The following DOCK1 variants were observed in gnomAD, a reference collection of about 807,000 sequenced individuals.
The protein encoded by DOCK1 is dedicator of cytokinesis 1, also known as dedicator of cytokinesis protein 1.
A neutral mutation model predicts 262.7 loss-of-function variants in DOCK1; 138 were observed. The ratio of observed to expected loss-of-function variants is 0.53; its 90% CI spans 0.46 to 0.61. The LOEUF is 0.61. Among genes scored for constraint, DOCK1 ranks in the 20% least tolerant of loss-of-function variants. The pLI, the probability that DOCK1 is intolerant of heterozygous loss-of-function variation, is 0.00. For synonymous variants in DOCK1, 866 were observed against 867.4 expected (o/e 1.00, Z 0.03); for missense variants, 1,908 against 2,370.7 (o/e 0.80, Z 4.05).
At chr10:127,248,297 C>T (rs772445299) in intron 28 of DOCK1, among the ~76,000 whole-genome samples, 188 bp downstream of exon 28, 13 of 152,136 alleles carry the variant, frequency 8.5e-5, no homozygotes, top group Non-Finnish European at 1.8e-4. Flanking sequence ...TCCGGACTTG[C>T]AGACTTGCTT....
rs1032517184 is a variant in DOCK1 at position 126,949,230 on chromosome 10, A to T, written c.47-21472A>T. Among the ~76,000 whole-genome samples, 1,068 of 152,056 alleles carry T rather than the reference A, an allele frequency of 7.0e-3. 37 individuals are homozygous for T. Among genetic ancestry groups the T allele is most frequent in the Admixed American group, 0.052 (797 of 15,266 alleles). ...GGGTTGGGGGACATGGGGTTAACAC[A>T]CCCAGCTCCTGCTCTCCTGCAGCCC... On this transcript the variant is annotated intron_variant, in intron 1 of 51. Coordinates refer to ENST00000623213, the MANE Select transcript of DOCK1 (RefSeq NM_001290223.2).
At chr10:127,361,236 C>T (rs561325390) in intron 32 of DOCK1, among the ~76,000 whole-genome samples, 219 of 151,438 alleles carry the variant, frequency 1.4e-3, no homozygotes, top group African/African-American at 5.2e-3. Context: ...GCCTCAGCCT[C>T]CCAGGTAGCT....
In DOCK1 at chr10:127,444,230, A is replaced by AC; in HGVS notation, c.5369dup (p.Pro1791SerfsTer131). The AC allele has an allele frequency of 1.2e-6, 2 of 1,609,526 alleles. No homozygotes were observed. Among genetic ancestry groups the AC allele is most frequent in the Non-Finnish European group, 1.7e-6 (2 of 1,178,516 alleles). On this transcript the variant is annotated frameshift_variant, in exon 50 of 52. Transcript: ENST00000623213. LOFTEE classifies it high-confidence loss of function. ...CCTCGTCACCGTCCTCCCAGCAAACACCCCCTCCAGTTACACCAAGGGCCA... is the reference window on the plus strand; with the variant it reads ...CCTCGTCACCGTCCTCCCAGCAAACACCCCCCTCCAGTTACACCAAGGGCCA...
At chr10:127,030,017 T>C (rs2043131076) in intron 16 of DOCK1, among the ~76,000 whole-genome samples, 1 of 152,198 alleles carries the variant, frequency 6.6e-6, no homozygotes, top group African/African-American at 2.4e-5. Flanking sequence ...TTCTGTTTCT[T>C]CCTGTGTTTT....
intron 27 of DOCK1, among the ~76,000 whole-genome samples, chr10:127,177,815 T>C (rs2055321144): frequency 6.6e-6 from 1 of 152,244 alleles, no homozygotes; most frequent in Non-Finnish European, 1.5e-5. Context: ...CTCGTTCACA[T>C]ACAGAATGCC....
At chr10:127,036,835 G>C (rs374241991) in intron 18 of DOCK1, among the ~76,000 whole-genome samples, 1 of 151,932 alleles carries the variant, frequency 6.6e-6, no homozygotes, top group East Asian at 1.9e-4. Flanking sequence ...AAATTAGCTG[G>C]GTGTGGTGGC....
At chr10:127,220,725 T>C (rs1236502708) in intron 27 of DOCK1, among the ~76,000 whole-genome samples, 1 of 151,784 alleles carries the variant, frequency 6.6e-6, no homozygotes, top group Non-Finnish European at 1.5e-5. Context: ...CAAGCAAAGA[T>C]GGGGGCCGTA....
intron 51 of DOCK1, among the ~76,000 whole-genome samples, chr10:127,448,621 T>C (rs2070749072): frequency 6.6e-6 from 1 of 152,178 alleles, no homozygotes; most frequent in Non-Finnish European, 1.5e-5. Flanking sequence ...TTCACAGCCT[T>C]TGACAATTAA....
intron 21 of DOCK1, among the ~76,000 whole-genome samples, chr10:127,046,729 C>T (rs2135685306): frequency 7.0e-6 from 1 of 143,358 alleles, no homozygotes; most frequent in South Asian, 2.2e-4. Flanking sequence ...GCACTGCACT[C>T]CAGCCTGGGC....
At chr10:127,101,085 G>T (rs560285952) in intron 23 of DOCK1, among the ~76,000 whole-genome samples, 1 of 152,084 alleles carries the variant, frequency 6.6e-6, no homozygotes, top group Admixed American at 6.5e-5. Flanking sequence ...GAGCCCCACA[G>T]GGCAGGCAGG....
At chr10:127,282,629 C>T (rs917016737) in intron 29 of DOCK1, among the ~76,000 whole-genome samples, 12 of 152,212 alleles carry the variant, frequency 7.9e-5, no homozygotes, top group African/African-American at 2.4e-4. Flanking sequence ...GGCAAAACCA[C>T]AGCACACACC....
At position 126,933,286 on chromosome 10, in the gene DOCK1, C is replaced by T. The variant is rs1444209520; in HGVS notation, c.46+27723C>T. On this transcript the variant is annotated intron_variant, in intron 1 of 51. Transcript: ENST00000623213. ...TAGTAGATGCCTACAGCGGCAGCCT[C>T]TCCCAGTGGACACCTTTCGTTGGGT... Among the ~76,000 whole-genome samples, 5 of 152,336 alleles carry T rather than the reference C, an allele frequency of 3.3e-5. No homozygotes were observed. The East Asian group carries it at 9.7e-4, about 29-fold the overall frequency.
At chr10:126,977,150 G>A (rs536063688) in intron 2 of DOCK1, among the ~76,000 whole-genome samples, 1 of 152,312 alleles carries the variant, frequency 6.6e-6, no homozygotes, top group East Asian at 1.9e-4. Context: ...TTGGAGGCTG[G>A]ATACTGACGG....
chr10:126,914,298 A>T (rs892250334), intron 1 of DOCK1, among the ~76,000 whole-genome samples: 2 of 152,178 alleles, frequency 1.3e-5, no homozygotes, highest in African/African-American at 4.8e-5. Flanking sequence ...CTTTATCTAG[A>T]TGCAGTTGCT....
intron 3 of DOCK1, 104 bp from the exon 4 acceptor site, chr10:126,981,814 C>A: frequency 9.2e-7 from 1 of 1,091,846 alleles, no homozygotes; most frequent in Non-Finnish European, 1.3e-6. Context: ...AAATTAAGAG[C>A]GATCTAGCCA....
rs79257649 is a variant in DOCK1 at position 127,420,341 on chromosome 10, C to T, written c.4776+592C>T. Among the ~76,000 whole-genome samples the T allele has an allele frequency of 1.2e-4, 18 of 152,270 alleles. No homozygotes were observed. The East Asian group carries it at 3.5e-3, about 29-fold the overall frequency. ...GTGCCTTGGGTTTAAGTGTCAGAAC[C>T]GGACGGATGCATCTGTGCTTCTCAG... On this transcript the variant is annotated intron_variant, in intron 46 of 51. Coordinates refer to ENST00000623213, the MANE Select transcript of DOCK1 (RefSeq NM_001290223.2).
At chr10:127,439,513 C>T (rs529362803) in intron 49 of DOCK1, among the ~76,000 whole-genome samples, 1 of 152,294 alleles carries the variant, frequency 6.6e-6, no homozygotes, top group East Asian at 1.9e-4. Flanking sequence ...GGACTTGTTT[C>T]CTACACATGT....
At chr10:127,425,667 C>T (rs913016404) in intron 46 of DOCK1, among the ~76,000 whole-genome samples, 1 of 152,160 alleles carries the variant, frequency 6.6e-6, no homozygotes, top group Admixed American at 6.5e-5. Context: ...GCGCACCACA[C>T]TGGACATAGT....
intron 29 of DOCK1, among the ~76,000 whole-genome samples, chr10:127,266,941 G>C (rs1317289800): frequency 6.6e-6 from 1 of 152,152 alleles, no homozygotes; most frequent in Non-Finnish European, 1.5e-5. Context: ...CTGTACCTGA[G>C]TGCATTTCTG....
Sources: gnomAD v4.1 joint callset for allele counts (sites outside exome capture counted in the v4.1 genomes callset) on GRCh38, gnomAD v4.1.1 for gene constraint, MANE v1.5 for transcripts, NCBI Gene and HGNC (gene_info 2026-07-23, HGNC 2026-07-21) for gene names.